PPP2R2C: variants seen among roughly 807,000 people sequenced by gnomAD.
PPP2R2C encodes the protein protein phosphatase 2, regulatory subunit B, gamma.
In PPP2R2C, 10 loss-of-function variants were observed where a neutral mutation model predicts 45.3. The ratio of observed to expected loss-of-function variants is 0.22; its 90% CI spans 0.14 to 0.37. The LOEUF is 0.37. Among genes scored for constraint, PPP2R2C ranks in the 10% least tolerant of loss-of-function variants. The pLI, the probability that PPP2R2C is intolerant of heterozygous loss-of-function variation, is 1.00. For missense variants in PPP2R2C, 308 were observed against 619.7 expected (o/e 0.50, Z 5.34); for synonymous variants, 257 against 245.4 (o/e 1.05, Z -0.44).
chr4:6,323,256 A>T lies in PPP2R2C; in HGVS notation c.*46T>A, dbSNP rs1731667245. On this transcript the variant is annotated 3_prime_UTR_variant, in exon 9 of 9. Transcript: ENST00000382599. ...TGCGGTCGTGAAGGTCATGTCGGGG[A>T]TGACTTGCATGAGGCTGGGTGGCAG... The T allele has an allele frequency of 1.3e-6, 2 of 1,547,376 alleles. No homozygotes were observed. The highest frequency in any genetic ancestry group is 1.8e-5 in the Admixed American group (1 of 57,070).
chr4:6,341,953 C>T (rs997739723), intron 6 of PPP2R2C, among the ~76,000 whole-genome samples: 13 of 152,092 alleles, frequency 8.5e-5, no homozygotes, highest in African/African-American at 2.2e-4. Context: ...CAATTGTTCC[C>T]GCAGCAATGA....
At chr4:6,535,392 A>G (rs1724572125) in intron 1 of PPP2R2C, 15 of 1,487,692 alleles carry the variant, frequency 1.0e-5, no homozygotes, top group Non-Finnish European at 1.3e-5. Context: ...AATCAGAAAA[A>G]AAAACTAAAG....
At position 6,364,325 on chromosome 4, in the gene PPP2R2C, C is replaced by T. The variant is rs1371374794; in HGVS notation, c.625+8198G>A. Among the ~76,000 whole-genome samples, 1 of 152,188 alleles carries T rather than the reference C, an allele frequency of 6.6e-6. No homozygotes were observed. Among genetic ancestry groups the T allele is most frequent in the Non-Finnish European group, 1.5e-5 (1 of 68,026 alleles). ...GGTGAAGAGCAGGGGGCCGGGAACG[C>T]TGAGCCCAGGGAGCAAAGGGAGAGA... On this transcript the variant is annotated intron_variant, in intron 5 of 8. Coordinates refer to ENST00000382599, the MANE Select transcript of PPP2R2C (RefSeq NM_020416.4). This position sits in a 1 kb window ranked among gnomAD's most constrained non-coding sequence, Gnocchi z 5.3.
Position 6,397,524 on chromosome 4 carries a change from G to T in PPP2R2C, c.71-16430C>A, listed in dbSNP as rs187965697. ...AGGATAAACAGAAGTTGGAAAAGAGGCCTCATGCAAGAGCCTCTTGCATGA... is the reference window on the plus strand; with the variant it reads ...AGGATAAACAGAAGTTGGAAAAGAGTCCTCATGCAAGAGCCTCTTGCATGA... On this transcript the variant is annotated intron_variant, in intron 1 of 8. Coordinates refer to ENST00000382599, the MANE Select transcript of PPP2R2C (RefSeq NM_020416.4). Among the ~76,000 whole-genome samples, 355 of 152,266 alleles carry T rather than the reference G, an allele frequency of 2.3e-3. 2 individuals are homozygous for T. Among genetic ancestry groups the T allele is most frequent in the African/African-American group, 8.1e-3 (337 of 41,538 alleles).
chr4:6,427,911 G>A (rs1719414403), intron 1 of PPP2R2C, among the ~76,000 whole-genome samples: 1 of 152,206 alleles, frequency 6.6e-6, no homozygotes, highest in Non-Finnish European at 1.5e-5. Context: ...CCTCCTGGAT[G>A]ACTTAGCATC....
intron 1 of PPP2R2C, among the ~76,000 whole-genome samples, chr4:6,410,159 C>G (rs1454811492): frequency 2.0e-5 from 3 of 152,176 alleles, no homozygotes; most frequent in African/African-American, 7.2e-5. Context: ...GGTGTGAGCC[C>G]TCCCCACAGC....
chr4:6,545,799 G>A (rs996074190), intron 1 of PPP2R2C, among the ~76,000 whole-genome samples: 25 of 152,196 alleles, frequency 1.6e-4, no homozygotes, highest in South Asian at 2.1e-4. Context: ...GTAAGGCAAC[G>A]TTTGCTTCTC....
At position 6,323,261 on chromosome 4, in the gene PPP2R2C, T is replaced by G; in HGVS notation, c.*41A>C. The G allele has an allele frequency of 6.4e-7, 1 of 1,554,796 alleles. No homozygotes were observed. Among genetic ancestry groups the G allele is most frequent in the Admixed American group, 1.7e-5 (1 of 57,438 alleles). On this transcript the variant is annotated 3_prime_UTR_variant, in exon 9 of 9. Coordinates refer to ENST00000382599, the MANE Select transcript of PPP2R2C (RefSeq NM_020416.4). ...TCGTGAAGGTCATGTCGGGGATGAC[T>G]TGCATGAGGCTGGGTGGCAGGGGCC... is the stretch of plus-strand genomic sequence containing the variant.
At position 6,533,443 on chromosome 4, in the gene PPP2R2C, AG is replaced by A. The variant is rs754567247; in HGVS notation, c.49+1827del. ...GACCTGTCCTCCTGCCCCAAACAAA[AG>A]GTGCCCCAGCACAGGCAGAACAACT... On this transcript the variant is annotated intron_variant, in intron 2 of 9. Transcript: ENST00000506140. Among the ~76,000 whole-genome samples the A allele has an allele frequency of 2.6e-5, 4 of 152,194 alleles. No individual in the cohort carries two copies. In the South Asian group the frequency reaches 8.3e-4, roughly 32 times the overall value.
At chr4:6,486,474 T>C (rs765900109) in intron 2 of PPP2R2C, among the ~76,000 whole-genome samples, 6 of 152,102 alleles carry the variant, frequency 3.9e-5, no homozygotes, top group African/African-American at 1.4e-4. Flanking sequence ...GAGAAGGTTA[T>C]TGAAACCTCC....
chr4:6,526,765 C>T (rs1322563072), intron 2 of PPP2R2C, among the ~76,000 whole-genome samples: 1 of 152,186 alleles, frequency 6.6e-6, no homozygotes, highest in Non-Finnish European at 1.5e-5. Flanking sequence ...GTGCAGAGAA[C>T]CAACCCTGGT....
chr4:6,354,560 G>A (rs564630543), intron 5 of PPP2R2C, among the ~76,000 whole-genome samples: 2 of 151,966 alleles, frequency 1.3e-5, no homozygotes, highest in East Asian at 2.0e-4. Context: ...TGACTGATCC[G>A]TGGGCAAATA....
At chr4:6,325,166 C>G (rs974160326) in intron 8 of PPP2R2C, among the ~76,000 whole-genome samples, 1 of 152,194 alleles carries the variant, frequency 6.6e-6, no homozygotes, top group African/African-American at 2.4e-5. Context: ...CTGACATGCG[C>G]ACTCTCTTAG....
At chr4:6,440,876 G>A (rs867934843) in intron 1 of PPP2R2C, among the ~76,000 whole-genome samples, 3 of 152,226 alleles carry the variant, frequency 2.0e-5, no homozygotes, top group South Asian at 2.1e-4. Flanking sequence ...AAGCCAGGAA[G>A]GGTGTAGGGA....
chr4:6,506,154 A>G (rs1422459673), intron 2 of PPP2R2C, among the ~76,000 whole-genome samples: 1 of 152,188 alleles, frequency 6.6e-6, no homozygotes, highest in African/African-American at 2.4e-5. Context: ...AGCAGAAATA[A>G]TTGGCTCTTC....
At chr4:6,418,598 C>A (rs981255421) in intron 1 of PPP2R2C, among the ~76,000 whole-genome samples, 8 of 152,124 alleles carry the variant, frequency 5.3e-5, no homozygotes, top group African/African-American at 1.9e-4. Context: ...ACCCTCAACA[C>A]CCCCCACATA....
intron 2 of PPP2R2C, among the ~76,000 whole-genome samples, chr4:6,532,667 C>T (rs1724444580): frequency 6.6e-6 from 1 of 152,234 alleles, no homozygotes; most frequent in Non-Finnish European, 1.5e-5. Flanking sequence ...TCACAGTGTC[C>T]AGCCCCTGGC....
At position 6,378,234 on chromosome 4, in the gene PPP2R2C, G is replaced by C; in HGVS notation, c.334+173C>G. On this transcript the variant is annotated intron_variant, in intron 3 of 8. Coordinates refer to ENST00000382599, the MANE Select transcript of PPP2R2C (RefSeq NM_020416.4). This position sits in a 1 kb window ranked among gnomAD's most constrained non-coding sequence, Gnocchi z 5.2. ...GTGTCCAGACACAGGGAGCGTCTGA[G>C]GGGGTCTGGCATACTCACTCATGGG... 1 of 864,478 alleles carries C rather than the reference G, an allele frequency of 1.2e-6. No individual in the cohort carries two copies. The highest frequency in any genetic ancestry group is 1.4e-6 in the Non-Finnish European group (1 of 720,120). 53.6% of individuals were successfully genotyped at this position (864,478 alleles called of 1,614,324 possible). A position where few individuals can be genotyped will look rare whatever the true frequency, so the allele number is the denominator to read the frequency against.
At chr4:6,431,324 A>G (rs1182227870) in intron 1 of PPP2R2C, among the ~76,000 whole-genome samples, 3 of 152,272 alleles carry the variant, frequency 2.0e-5, no homozygotes, top group East Asian at 3.9e-4. Flanking sequence ...AAATTAAGCA[A>G]TCAACCTCAA....
Sources: allele counts gnomAD v4.1 joint callset (sites outside exome capture counted in the v4.1 genomes callset), GRCh38; gene constraint gnomAD v4.1.1; non-coding constraint Gnocchi (gnomAD v3.1); transcripts MANE v1.5; gene names NCBI Gene and HGNC (gene_info 2026-07-23, HGNC 2026-07-21).